Variants in AFG3L2 observed in about 807,000 individuals in gnomAD.
AFG3L2 encodes the protein AFG3 like matrix AAA peptidase subunit 2, also known as mitochondrial inner membrane m-AAA protease component AFG3L2.
Under a neutral mutation model 94.5 loss-of-function variants are expected in AFG3L2, and 54 were observed. The observed-to-expected ratio is 0.57, with a 90% confidence interval of 0.46 to 0.72. The LOEUF (loss-of-function observed/expected upper bound fraction) is 0.72, where lower values mean the gene tolerates loss of function less well. Ranked by LOEUF, AFG3L2 falls within the 30% of genes least tolerant of loss-of-function variation. The pLI is 0.00. For synonymous variants in AFG3L2, 377 were observed against 365.5 expected, an observed-to-expected ratio of 1.03 and a Z score of -0.36; for missense variants, 754 against 994.9, an observed-to-expected ratio of 0.76 and a Z score of 3.26.
intron 9 of AFG3L2, among the ~76,000 whole-genome samples, chr18:12,353,382 C>T (rs1385361279): frequency 6.6e-6 from 1 of 151,564 alleles, no homozygotes; most frequent in Non-Finnish European, 1.5e-5. Context: ...GGCATGGTGG[C>T]GCGTGCCTGT....
At chr18:12,337,264 A>C in intron 16 of AFG3L2, 77 bp downstream of exon 16, 1 of 1,350,488 alleles carries the variant, frequency 7.4e-7, no homozygotes, top group Non-Finnish European at 1.1e-6. Context: ...TCTACACACC[A>C]ACCAAAACAG....
chr18:12,371,539 C>T (rs1908990294), intron 2 of AFG3L2, 53 bp downstream of exon 2: 3 of 1,505,838 alleles, frequency 2.0e-6, no homozygotes, highest in Non-Finnish European at 2.8e-6. Flanking sequence ...CAGAAGGAGA[C>T]AAAAGACCCA....
Position 12,360,069 on chromosome 18 carries a change from C to A in AFG3L2, c.628-18G>T. Reference sequence around the variant, plus strand: ...ACGTATTGCTATAAAAACAAAAAAACAAATATCCTAAGAATGTAGTGAAAC... The same window carrying A: ...ACGTATTGCTATAAAAACAAAAAAAAAAATATCCTAAGAATGTAGTGAAAC... On this transcript the variant is annotated intron_variant, in intron 6 of 16. Coordinates refer to ENST00000269143, the MANE Select transcript of AFG3L2 (RefSeq NM_006796.3). The A allele has an allele frequency of 6.2e-7, 1 of 1,612,454 alleles. No individual in the cohort carries two copies. Among genetic ancestry groups the A allele is most frequent in the Admixed American group, 1.7e-5 (1 of 60,006 alleles).
intron 8 of AFG3L2, among the ~76,000 whole-genome samples, chr18:12,357,446 T>C (rs911193417): frequency 2.0e-5 from 3 of 152,200 alleles, no homozygotes; most frequent in African/African-American, 4.8e-5. Context: ...GTAGATAATA[T>C]GGTCAAATGA....
chr18:12,371,958 A>C (rs1298211580), intron 1 of AFG3L2, among the ~76,000 whole-genome samples: 1 of 152,240 alleles, frequency 6.6e-6, no homozygotes, highest in Non-Finnish European at 1.5e-5. Context: ...TCCAATTATA[A>C]TTATGTGACA....
At chr18:12,364,250 G>C (rs77222786) in intron 5 of AFG3L2, among the ~76,000 whole-genome samples, 1 of 152,074 alleles carries the variant, frequency 6.6e-6, no homozygotes, top group Non-Finnish European at 1.5e-5. Flanking sequence ...TGACACTTCC[G>C]TGCTGCAGGG....
In AFG3L2 at chr18:12,376,973, C is replaced by T. The variant is rs1265512308; in HGVS notation, c.110G>A (p.Arg37Gln). Residue 37 changes from arginine to glutamine, a missense_variant, in exon 1 of 17, where the codon CGG (arginine) becomes CAG (glutamine). Physicochemically the swap from Arg to Gln is conservative, Grantham distance 43. Transcript: ENST00000269143. ...GGGCGCCCAGGTAGGACTCACCGTC[C>T]GGAGGCAGGGCTGCTCGCCCGGGCC... ...GVGPGEQPCL[R>Q]TLYRFVTTQA... The T allele has an allele frequency of 6.9e-7, 1 of 1,457,068 alleles. No individual in the cohort carries two copies. Among genetic ancestry groups the T allele is most frequent in the Non-Finnish European group, 9.0e-7 (1 of 1,108,562 alleles). The allele number at this position is 1,457,068 out of a possible 1,614,324, so 90.3% of individuals were successfully genotyped here.
intron 5 of AFG3L2, among the ~76,000 whole-genome samples, chr18:12,365,282 A>G (rs765977656): frequency 3.9e-5 from 6 of 152,188 alleles, no homozygotes; most frequent in Non-Finnish European, 8.8e-5. Flanking sequence ...AGCTGCAGCT[A>G]TGGAGAAGCC....
intron 13 of AFG3L2, 25 bp from the exon 14 acceptor site, chr18:12,344,272 C>T: frequency 6.3e-7 from 1 of 1,584,206 alleles, no homozygotes; most frequent in Middle Eastern, 1.7e-4. Flanking sequence ...ACAAAAAAAC[C>T]CAAGCCATTG....
chr18:12,336,970 C>T, intron 16 of AFG3L2: 1 of 476,954 alleles, frequency 2.1e-6, no homozygotes. Flanking sequence ...TTTCATCTTT[C>T]ACTACCTATT....
chr18:12,361,749 C>T (rs758379496), intron 6 of AFG3L2, among the ~76,000 whole-genome samples: 1 of 152,186 alleles, frequency 6.6e-6, no homozygotes, highest in Non-Finnish European at 1.5e-5. Context: ...GTATTTCTCT[C>T]CAAGTATCTA....
chr18:12,365,156 A>C (rs979034755), intron 5 of AFG3L2, among the ~76,000 whole-genome samples: 1 of 152,212 alleles, frequency 6.6e-6, no homozygotes, highest in African/African-American at 2.4e-5. Flanking sequence ...GGAATCGGGG[A>C]GCAACTGTTC....
chr18:12,352,211 C>A (rs1237509172), intron 10 of AFG3L2, among the ~76,000 whole-genome samples: 1 of 152,164 alleles, frequency 6.6e-6, no homozygotes, highest in Non-Finnish European at 1.5e-5. Flanking sequence ...GACCCTGGCA[C>A]GGCAGGAGCT....
chr18:12,333,092 T>C (rs1907617634), intron 16 of AFG3L2, among the ~76,000 whole-genome samples: 1 of 96,794 alleles, frequency 1.0e-5, no homozygotes. Flanking sequence ...TATAATAGAT[T>C]ATAATCTATT....
chr18:12,337,104 ATCAT>A (rs2143109270), intron 16 of AFG3L2: 2 of 609,866 alleles, frequency 3.3e-6, no homozygotes, highest in African/African-American at 1.8e-5. Flanking sequence ...GACTTCATTA[ATCAT>A]TCAGTCACAT....
At chr18:12,351,669 C>T (rs1175947889) in intron 10 of AFG3L2, among the ~76,000 whole-genome samples, 2 of 152,032 alleles carry the variant, frequency 1.3e-5, no homozygotes, top group East Asian at 3.9e-4. Flanking sequence ...GCCTCAGCCT[C>T]CCGAGTAGCT....
Position 12,340,185 on chromosome 18 carries a change from T to A in AFG3L2, c.1980+16A>T. On this transcript the variant is annotated intron_variant, in intron 15 of 16. Transcript: ENST00000269143. ...ATGAATACATGAGGAGGAAATGCACTCTTTCATATACTCACTTGGGCATAT... is the reference window on the plus strand; with the variant it reads ...ATGAATACATGAGGAGGAAATGCACACTTTCATATACTCACTTGGGCATAT... The A allele has an allele frequency of 6.2e-7, 1 of 1,602,278 alleles. No individual in the cohort carries two copies. Among genetic ancestry groups the A allele is most frequent in the Non-Finnish European group, 8.5e-7 (1 of 1,169,668 alleles).
chr18:12,361,101 G>A (rs949706912), intron 6 of AFG3L2, among the ~76,000 whole-genome samples: 5 of 152,168 alleles, frequency 3.3e-5, no homozygotes, highest in Non-Finnish European at 5.9e-5. Context: ...GAGAGGCTGG[G>A]CACAGTGGCC....
intron 16 of AFG3L2, among the ~76,000 whole-genome samples, chr18:12,332,103 T>C (rs1907551506): frequency 6.7e-6 from 1 of 149,068 alleles, no homozygotes; most frequent in Non-Finnish European, 1.5e-5. Flanking sequence ...GTTTAAATTA[T>C]AAGTTGATCT....
Sources: gnomAD v4.1 joint callset for allele counts (sites outside exome capture counted in the v4.1 genomes callset) on GRCh38, gnomAD v4.1.1 for gene constraint, MANE v1.5 for transcripts, NCBI Gene and HGNC (gene_info 2026-07-23, HGNC 2026-07-21) for gene names.